The following WDR70 variants were observed in gnomAD, a reference collection of about 807,000 sequenced individuals.
The protein encoded by WDR70 is WD repeat domain 70.
In WDR70, 53 loss-of-function variants were observed where a neutral mutation model predicts 88.6. The observed-to-expected ratio is 0.60, with a 90% CI of 0.48 to 0.75. WDR70 has a LOEUF of 0.75. Among genes scored for constraint, WDR70 ranks in the 30% least tolerant of loss-of-function variants. The pLI is 0.00. For synonymous variants in WDR70, 280 were observed against 270.0 expected (o/e 1.04, Z -0.36); for missense variants, 610 against 823.2 (o/e 0.74, Z 3.17).
intron 8 of WDR70, among the ~76,000 whole-genome samples, chr5:37,494,235 T>A (rs555026144): frequency 1.3e-3 from 194 of 152,326 alleles, no homozygotes; most frequent in African/African-American, 4.5e-3. Context: ...GCAGAGACAT[T>A]TCCTAGTTTT....
intron 6 of WDR70, among the ~76,000 whole-genome samples, chr5:37,442,874 G>T (rs184016641): frequency 6.6e-6 from 1 of 152,222 alleles, no homozygotes; most frequent in Admixed American, 6.5e-5. Context: ...TCCTCAGATT[G>T]TATGTTGAAA....
chr5:37,659,304 A>C (rs1421815702), intron 10 of WDR70, among the ~76,000 whole-genome samples: 1 of 152,216 alleles, frequency 6.6e-6, no homozygotes, highest in African/African-American at 2.4e-5. Flanking sequence ...GTTATTAACT[A>C]TGGAAGTCAT....
chr5:37,559,792 CTG>C (rs1322203145), intron 9 of WDR70, among the ~76,000 whole-genome samples: 1 of 150,838 alleles, frequency 6.6e-6, no homozygotes, highest in African/African-American at 2.4e-5. Flanking sequence ...TTGTGGTGAG[CTG>C]AGATCACGCC....
intron 10 of WDR70, among the ~76,000 whole-genome samples, chr5:37,670,446 A>G (rs1406894441): frequency 6.6e-6 from 1 of 152,232 alleles, no homozygotes; most frequent in Non-Finnish European, 1.5e-5. Flanking sequence ...CCAAGATACA[A>G]AGTATAGAGA....
At chr5:37,500,133 A>G (rs1386400999) in intron 8 of WDR70, among the ~76,000 whole-genome samples, 1 of 152,104 alleles carries the variant, frequency 6.6e-6, no homozygotes, top group Non-Finnish European at 1.5e-5. Flanking sequence ...GTACCACTGT[A>G]TATACCTTTG....
chr5:37,396,251 A>T lies in WDR70; in HGVS notation c.297-124A>T, dbSNP rs545362109. 5.5e-5 allele frequency: 73 copies of T among 1,318,150 alleles called. 1 individual carries two copies. The South Asian group carries it at 1.2e-3, about 22-fold the overall frequency. The allele number at this position is 1,318,150 out of a possible 1,614,324, so 81.7% of individuals were successfully genotyped here. The stretch of plus-strand genomic sequence containing the variant: ...CATTTAATGTTTGAACTACAAATTT[A>T]AAAAAATTAAAAAATACCCAGTTGT... On this transcript the variant is annotated intron_variant, in intron 4 of 17. Transcript: ENST00000265107.
chr5:37,512,875 G>T (rs758810846), intron 8 of WDR70, among the ~76,000 whole-genome samples: 1 of 152,016 alleles, frequency 6.6e-6, no homozygotes, highest in Non-Finnish European at 1.5e-5. Context: ...ATGTGGCACC[G>T]CACCCAGCCG....
chr5:37,563,069 G>A (rs1393878378), intron 9 of WDR70, among the ~76,000 whole-genome samples: 1 of 69,440 alleles, frequency 1.4e-5, no homozygotes, highest in Non-Finnish European at 2.9e-5. Flanking sequence ...GGCTGGCCGG[G>A]CGGGGGGCTG....
At chr5:37,741,852 TCAAA>T (rs889231573) in intron 17 of WDR70, among the ~76,000 whole-genome samples, 1 of 152,204 alleles carries the variant, frequency 6.6e-6, no homozygotes, top group Non-Finnish European at 1.5e-5. Flanking sequence ...ATAAGCGGAA[TCAAA>T]CAGTTTTTGT....
chr5:37,449,423 C>G (rs1738594619), intron 7 of WDR70, among the ~76,000 whole-genome samples: 1 of 151,956 alleles, frequency 6.6e-6, no homozygotes, highest in Admixed American at 6.6e-5. Flanking sequence ...GAAACCCCGT[C>G]TGTACTAAAA....
intron 9 of WDR70, among the ~76,000 whole-genome samples, chr5:37,595,652 A>G (rs927854637): frequency 1.3e-5 from 2 of 152,204 alleles, no homozygotes; most frequent in African/African-American, 4.8e-5. Context: ...TTTGAAAAGT[A>G]CAAAACTAGA....
chr5:37,548,426 T>G (rs1581384540), intron 9 of WDR70, among the ~76,000 whole-genome samples: 1 of 152,336 alleles, frequency 6.6e-6, no homozygotes, highest in East Asian at 1.9e-4. Flanking sequence ...TGTTTGCAAT[T>G]TGTATTTCTT....
Position 37,660,261 on chromosome 5 carries a change from A to G in WDR70, c.1093-37394A>G, listed in dbSNP as rs559789620. On this transcript the variant is annotated intron_variant, in intron 10 of 17. Coordinates refer to ENST00000265107, the MANE Select transcript of WDR70 (RefSeq NM_018034.4). ...TTATCTCAATAAATATTTCATTTATACTTAGCAAGAATATGTATTCTGTTT... is the reference window on the plus strand; with the variant it reads ...TTATCTCAATAAATATTTCATTTATGCTTAGCAAGAATATGTATTCTGTTT... 5.9e-5 allele frequency among the ~76,000 whole-genome samples: 9 copies of G among 152,330 alleles called. No homozygotes were observed. The South Asian group carries it at 1.7e-3, about 28-fold the overall frequency.
intron 4 of WDR70, among the ~76,000 whole-genome samples, chr5:37,393,166 T>C (rs1198364094): frequency 6.6e-6 from 1 of 152,036 alleles, no homozygotes; most frequent in Non-Finnish European, 1.5e-5. Flanking sequence ...CTCAGCCTTC[T>C]GAATAGCTGA....
chr5:37,672,784 A>G (rs142398149), intron 10 of WDR70, among the ~76,000 whole-genome samples: 2 of 151,942 alleles, frequency 1.3e-5, no homozygotes, highest in East Asian at 1.9e-4. Context: ...TCCTGGGCCC[A>G]CTGTTCTTGC....
chr5:37,668,196 C>A (rs1349205623), intron 10 of WDR70, among the ~76,000 whole-genome samples: 1 of 152,142 alleles, frequency 6.6e-6, no homozygotes, highest in Non-Finnish European at 1.5e-5. Context: ...ATTTGGAGAC[C>A]TACAGAATAT....
chr5:37,735,517 C>G (rs1287668450), intron 17 of WDR70, among the ~76,000 whole-genome samples: 1 of 152,144 alleles, frequency 6.6e-6, no homozygotes, highest in Non-Finnish European at 1.5e-5. Flanking sequence ...CTGATACACA[C>G]CTTTCTGCCG....
intron 4 of WDR70, among the ~76,000 whole-genome samples, 199 bp from the exon 5 acceptor site, chr5:37,396,176 C>T (rs931244957): frequency 1.5e-5 from 1 of 66,030 alleles, no homozygotes; most frequent in Admixed American, 2.3e-4. Flanking sequence ...TTTTTGACTG[C>T]GTAAGACGGT....
At chr5:37,654,559 T>C (rs2112565904) in intron 10 of WDR70, among the ~76,000 whole-genome samples, 1 of 152,318 alleles carries the variant, frequency 6.6e-6, no homozygotes, top group South Asian at 2.1e-4. Context: ...TGTCTCCCAC[T>C]GTTATTGTGT....
Sources: gnomAD v4.1 joint callset for allele counts (sites outside exome capture counted in the v4.1 genomes callset) on GRCh38, gnomAD v4.1.1 for gene constraint, MANE v1.5 for transcripts, NCBI Gene and HGNC (gene_info 2026-07-23, HGNC 2026-07-21) for gene names.